Variants in LASP1 observed in about 807,000 individuals in gnomAD.
LASP1 encodes the protein LIM and SH3 protein 1.
A neutral mutation model predicts 38.6 loss-of-function variants in LASP1; 10 were observed. That is an observed-to-expected ratio of 0.26 (90% CI 0.16 to 0.44). The LOEUF is 0.44. Among genes scored for constraint, LASP1 ranks in the 20% least tolerant of loss-of-function variants. LASP1 has a pLI of 1.00. For missense variants in LASP1, 243 were observed against 375.7 expected (o/e 0.65, Z 2.92); for synonymous variants, 132 against 140.8 (o/e 0.94, Z 0.44).
At chr17:38,881,827 C>G (rs537758717) in intron 2 of LASP1, among the ~76,000 whole-genome samples, 7 of 152,336 alleles carry the variant, frequency 4.6e-5, no homozygotes, top group Non-Finnish European at 8.8e-5. Flanking sequence ...GAGCTAGGAT[C>G]TTGCAGGGGG....
At chr17:38,911,475 G>A (rs776418083) in intron 4 of LASP1, among the ~76,000 whole-genome samples, 2 of 152,286 alleles carry the variant, frequency 1.3e-5, no homozygotes, top group South Asian at 2.1e-4. Context: ...AGGATTCGGC[G>A]AGCTGATATG....
rs111821860 is a variant in LASP1 at position 38,907,716 on chromosome 17, C to T, written c.358-6609C>T. ...GGGTTCAGGCAGCTACTCCTCCAGC[C>T]GTCGGGTCAGCCAGCCGTAACTTTA... On this transcript the variant is annotated intron_variant, in intron 4 of 6. Coordinates refer to ENST00000318008, the MANE Select transcript of LASP1 (RefSeq NM_006148.4). 2.9e-3 allele frequency among the ~76,000 whole-genome samples: 439 copies of T among 152,236 alleles called. 2 individuals carry two copies. Among genetic ancestry groups the T allele is most frequent in the African/African-American group, 9.9e-3 (411 of 41,546 alleles).
intron 5 of LASP1, 30 bp downstream of exon 5, chr17:38,914,505 C>A (rs1442867959): frequency 1.3e-6 from 2 of 1,567,750 alleles, no homozygotes; most frequent in Non-Finnish European, 1.7e-6. Flanking sequence ...GTGCAGATGA[C>A]CTGAGGCGAG....
intron 2 of LASP1, among the ~76,000 whole-genome samples, chr17:38,883,177 C>T (rs572350178): frequency 3.3e-5 from 5 of 151,912 alleles, no homozygotes; most frequent in Admixed American, 6.6e-5. Flanking sequence ...GAGGGTGGAT[C>T]GCTTGAGGCC....
At chr17:38,879,161 C>CCTTT (rs1913867194) in intron 2 of LASP1, among the ~76,000 whole-genome samples, 1 of 123,712 alleles carries the variant, frequency 8.1e-6, no homozygotes, top group Non-Finnish European at 1.6e-5. Context: ...TTTTAATTTG[C>CCTTT]TTTTTTTTTT....
Position 38,919,067 on chromosome 17 carries a change from G to A in LASP1, c.*289G>A, listed in dbSNP as rs1915222882. The A allele has an allele frequency of 4.3e-6, 2 of 460,414 alleles. No homozygotes were observed. The highest frequency in any genetic ancestry group is 7.9e-6 in the Non-Finnish European group (2 of 252,308). 28.5% of individuals were successfully genotyped at this position (460,414 alleles called of 1,614,324 possible). ...TGGAATGGGAGACCTGTTGGCCTGT[G>A]GGCCTCACCTGCCCCTCTGTTCTCT... On this transcript the variant is annotated 3_prime_UTR_variant, in exon 7 of 7. Transcript: ENST00000318008.
intron 4 of LASP1, chr17:38,903,939 C>G (rs1010191610): frequency 1.3e-5 from 2 of 152,178 alleles, no homozygotes; most frequent in African/African-American, 4.8e-5. Flanking sequence ...TGTTAGGAAT[C>G]CTGGCCTTTT....
rs755051033 is a variant in LASP1 at position 38,915,128 on chromosome 17, C to T, written c.594C>T (p.Ser198=). The change falls in exon 6 of 7, where the codon AGC becomes AGT. Residue 198 remains serine (S), a synonymous_variant. Coordinates refer to ENST00000318008, the MANE Select transcript of LASP1 (RefSeq NM_006148.4). ...CAGCCCCAGTCTCCATACAGCGCAG[C>T]GCCCCAGGTGGTGGCGGGGTGAGTA... ...EPAAPVSIQR[S]APGGGGKRYR... 2.5e-5 allele frequency: 40 copies of T among 1,613,750 alleles called. No individual in the cohort carries two copies. Among genetic ancestry groups the T allele is most frequent in the Admixed American group, 5.0e-5 (3 of 59,998 alleles).
chr17:38,915,400 C>A, intron 6 of LASP1: 2 of 358,500 alleles, frequency 5.6e-6, no homozygotes, highest in South Asian at 8.6e-5. Context: ...GTTTCCTTAC[C>A]CCAGCTACCT....
At chr17:38,917,209 G>C (rs1238304094) in intron 6 of LASP1, among the ~76,000 whole-genome samples, 1 of 152,134 alleles carries the variant, frequency 6.6e-6, no homozygotes, top group Non-Finnish European at 1.5e-5. Flanking sequence ...GGCATGGATG[G>C]GAGTGGCTCA....
intron 3 of LASP1, chr17:38,896,844 G>C (rs1914503941): frequency 1.1e-6 from 1 of 899,152 alleles, no homozygotes; most frequent in African/African-American, 1.8e-5. Context: ...GCCCAGACTT[G>C]GTGATAAGAA....
chr17:38,871,251 G>T (rs983079425), intron 1 of LASP1, among the ~76,000 whole-genome samples: 13 of 151,882 alleles, frequency 8.6e-5, no homozygotes, highest in Non-Finnish European at 1.5e-5. Context: ...TTTGGAGGGG[G>T]GTTGGAGAGT....
chr17:38,911,878 C>T (rs901305591), intron 4 of LASP1, among the ~76,000 whole-genome samples: 1 of 152,180 alleles, frequency 6.6e-6, no homozygotes, highest in African/African-American at 2.4e-5. Flanking sequence ...ACCGCAACCT[C>T]TGCCTCCCAG....
At chr17:38,884,784 G>A (rs557426299) in intron 2 of LASP1, among the ~76,000 whole-genome samples, 72 of 142,948 alleles carry the variant, frequency 5.0e-4, no homozygotes, top group African/African-American at 1.6e-3. Flanking sequence ...TCCGCTTCCC[G>A]GGTTCAAGGG....
At position 38,918,805 on chromosome 17, in the gene LASP1, G is replaced by C. The variant is rs1162663763; in HGVS notation, c.*27G>C. The C allele has an allele frequency of 6.2e-7, 1 of 1,611,084 alleles. No individual in the cohort carries two copies. Among genetic ancestry groups the C allele is most frequent in the Non-Finnish European group, 8.5e-7 (1 of 1,178,946 alleles). On this transcript the variant is annotated 3_prime_UTR_variant, in exon 7 of 7. Coordinates refer to ENST00000318008, the MANE Select transcript of LASP1 (RefSeq NM_006148.4). This position sits in a 1 kb window ranked among gnomAD's most constrained non-coding sequence, Gnocchi z 4.4. ...CCCGCAGCGCCCCCATCTGTCTTCA[G>C]CACATTCCACGGCATCGCATCCGTC...
chr17:38,898,412 G>A lies in LASP1; in HGVS notation c.250G>A (p.Val84Met). The change falls in exon 4 of 7, where the codon GTG becomes ATG. Residue 84 changes from valine to methionine, a missense_variant and splice_region_variant. By Grantham distance (21) the Val-to-Met change is conservative. Around this residue, in one of 4 missense-constraint regions of LASP1, gnomAD observed 33 missense variants for 39.8 expected, o/e 0.83. Transcript: ENST00000318008. Reference protein sequence around the residue: ...LKQQSELQSQVRYKEEFEKNK... With the variant: ...LKQQSELQSQMRYKEEFEKNK... ...AATCCCTCTTCCTCCCCTCCTGCAG[G>A]TGCGCTACAAGGAGGAGTTTGAGAA... 6.5e-7 allele frequency: 1 copy of A among 1,545,206 alleles called. No individual in the cohort carries two copies. The highest frequency in any genetic ancestry group is 8.8e-7 in the Non-Finnish European group (1 of 1,141,752).
chr17:38,873,579 A>G (rs1446133341), intron 1 of LASP1, among the ~76,000 whole-genome samples: 1 of 152,220 alleles, frequency 6.6e-6, no homozygotes, highest in African/African-American at 2.4e-5. Context: ...TTGTGCCAAA[A>G]GTAGGTCCCA....
At chr17:38,884,209 C>T (rs1434870984) in intron 2 of LASP1, among the ~76,000 whole-genome samples, 1 of 151,780 alleles carries the variant, frequency 6.6e-6, no homozygotes, top group East Asian at 1.9e-4. Context: ...TGGAGTGTGG[C>T]TGATGGCAGG....
At chr17:38,884,866 T>C (rs1914069334) in intron 2 of LASP1, among the ~76,000 whole-genome samples, 1 of 151,984 alleles carries the variant, frequency 6.6e-6, no homozygotes, top group Non-Finnish European at 1.5e-5. Flanking sequence ...AATTTTTGTA[T>C]TTTTAGTAGA....
Sources: allele counts gnomAD v4.1 joint callset (sites outside exome capture counted in the v4.1 genomes callset), GRCh38; gene constraint gnomAD v4.1.1; regional missense constraint gnomAD v4.1.1; non-coding constraint Gnocchi (gnomAD v3.1); transcripts MANE v1.5; gene names NCBI Gene and HGNC (gene_info 2026-07-23, HGNC 2026-07-21).